The following PRKCZ variants were observed in gnomAD, a reference collection of about 807,000 sequenced individuals.
PRKCZ encodes the protein protein kinase C zeta type.
Under a neutral mutation model 79.5 loss-of-function variants are expected in PRKCZ, and 33 were observed. The observed-to-expected ratio is 0.41, with a 90% CI of 0.31 to 0.55. The LOEUF is 0.55. Ranked by LOEUF, PRKCZ falls within the 20% of genes least tolerant of loss-of-function variation. PRKCZ has a pLI of 0.19. For synonymous variants in PRKCZ, 342 were observed against 320.9 expected (o/e 1.07, Z -0.70); for missense variants, 578 against 813.5 (o/e 0.71, Z 3.52).
chr1:2,060,001 A>G (rs1295276619), intron 4 of PRKCZ, among the ~76,000 whole-genome samples: 1 of 152,156 alleles, frequency 6.6e-6, no homozygotes, highest in African/African-American at 2.4e-5. Context: ...CACTGGCTCC[A>G]TTGTTGGGAG....
chr1:2,176,010 A>G (rs1254058029), intron 16 of PRKCZ, among the ~76,000 whole-genome samples: 1 of 152,168 alleles, frequency 6.6e-6, no homozygotes, highest in Non-Finnish European at 1.5e-5. Flanking sequence ...CAGCAGTCGC[A>G]GCGTTCACGG....
chr1:2,109,145 A>G (rs920936667), intron 4 of PRKCZ, among the ~76,000 whole-genome samples: 5 of 152,142 alleles, frequency 3.3e-5, no homozygotes, highest in African/African-American at 1.2e-4. Context: ...AAAGTCCCGT[A>G]TGCCACGGAA....
rs959670803 is a variant in PRKCZ, at chr1:2,149,894, C to T, written c.688-896C>T. Among the ~76,000 whole-genome samples, 9 of 150,296 alleles carry T rather than the reference C, an allele frequency of 6.0e-5. No homozygotes were observed. The highest frequency in any genetic ancestry group is 1.7e-4 in the African/African-American group (7 of 40,732). ...CAGAATCCGGCTGGGCGCGGTGGCT[C>T]ACGCCTGTAATCCCAGCACTTTGGG... On this transcript the variant is annotated intron_variant, in intron 8 of 17. Transcript: ENST00000378567. This position sits in a 1 kb window ranked among gnomAD's most constrained non-coding sequence, Gnocchi z 4.1.
chr1:2,056,549 A>G lies in PRKCZ; in HGVS notation c.259A>G (p.Arg87Gly), dbSNP rs768028189. The G allele has an allele frequency of 3.5e-5, 57 of 1,613,832 alleles. No individual in the cohort carries two copies. The South Asian group carries it at 4.8e-4, about 14-fold the overall frequency. The part of the protein sequence containing the change: ...EEAFRLARQC[R>G]DEGLIIHVFP... Reference sequence around the variant, plus strand: ...GGCTTTCCGCCTGGCCCGTCAGTGCAGGGATGAAGGCCTCATCATTCATGG... The same window carrying G: ...GGCTTTCCGCCTGGCCCGTCAGTGCGGGGATGAAGGCCTCATCATTCATGG... The change falls in exon 3 of 18, where the codon AGG becomes GGG. Residue 87 changes from arginine to glycine, a missense_variant. Coordinates refer to ENST00000378567, the MANE Select transcript of PRKCZ (RefSeq NM_002744.6).
intron 4 of PRKCZ, among the ~76,000 whole-genome samples, chr1:2,096,721 G>A (rs1666589240): frequency 6.6e-6 from 1 of 152,116 alleles, no homozygotes; most frequent in African/African-American, 2.4e-5. Context: ...ATCAGGGTCT[G>A]GGTTGCTCGT....
In PRKCZ at chr1:2,172,995, G is replaced by A. The variant is rs533357025; in HGVS notation, c.1285+607G>A. Among the ~76,000 whole-genome samples the A allele has an allele frequency of 9.2e-5, 14 of 152,292 alleles. No individual in the cohort carries two copies. The highest frequency in any genetic ancestry group is 3.9e-4 in the East Asian group (2 of 5,174). On this transcript the variant is annotated intron_variant, in intron 13 of 17. Transcript: ENST00000378567. The surrounding 1 kb of genome is among the most constrained non-coding windows in gnomAD (Gnocchi z 7.8). ...GTGTGTGAAACGGGGACGTGGGCAC[G>A]CGTGTGCAGCCCTGTGTGCGTGTGT... is the stretch of plus-strand genomic sequence containing the variant.
intron 4 of PRKCZ, among the ~76,000 whole-genome samples, chr1:2,079,088 C>T (rs531380443): frequency 3.3e-5 from 5 of 152,316 alleles, no homozygotes; most frequent in East Asian, 1.9e-4. Context: ...GTGATCCGCC[C>T]GCCTCGGCCT....
At chr1:2,074,515 C>T (rs950383271) in intron 4 of PRKCZ, among the ~76,000 whole-genome samples, 6 of 152,134 alleles carry the variant, frequency 3.9e-5, no homozygotes, top group African/African-American at 7.2e-5. Context: ...GATGAGACCA[C>T]GGGTGAAGTC....
intron 4 of PRKCZ, among the ~76,000 whole-genome samples, chr1:2,132,742 A>AT (rs1675248372): frequency 1.3e-5 from 2 of 152,010 alleles, no homozygotes; most frequent in Admixed American, 1.3e-4. Flanking sequence ...ATCTTCTGTA[A>AT]TTCCTTCTAA....
chr1:2,082,858 G>T lies in PRKCZ; in HGVS notation c.334+23267G>T, dbSNP rs1571238405. On this transcript the variant is annotated intron_variant, in intron 4 of 17. Coordinates refer to ENST00000378567, the MANE Select transcript of PRKCZ (RefSeq NM_002744.6). The surrounding 1 kb of genome is among the most constrained non-coding windows in gnomAD (Gnocchi z 4.4). ...GGGCGGCCAAGGGCGTGAGGGAGAG[G>T]GTGGAGGGGTGGTGTGAGGGTGCAA... Among the ~76,000 whole-genome samples, 1 of 151,652 alleles carries T rather than the reference G, an allele frequency of 6.6e-6. No individual in the cohort carries two copies. The highest frequency in any genetic ancestry group is 1.5e-5 in the Non-Finnish European group (1 of 67,868).
intron 4 of PRKCZ, among the ~76,000 whole-genome samples, chr1:2,100,286 G>C (rs547443197): frequency 3.3e-4 from 51 of 152,368 alleles, no homozygotes; most frequent in African/African-American, 1.1e-3. Context: ...GTGACCATCT[G>C]TGGTAACCGA....
intron 4 of PRKCZ, among the ~76,000 whole-genome samples, chr1:2,130,027 C>T (rs536569828): frequency 2.6e-5 from 4 of 152,250 alleles, no homozygotes; most frequent in Non-Finnish European, 4.4e-5. Flanking sequence ...CTCAGCCTCC[C>T]GAGTAGCTGG....
intron 4 of PRKCZ, among the ~76,000 whole-genome samples, chr1:2,102,458 G>A (rs892480383): frequency 2.6e-5 from 4 of 151,714 alleles, no homozygotes; most frequent in Non-Finnish European, 4.4e-5. Flanking sequence ...TCAGCCTCCC[G>A]AGTAGCTGGG....
At chr1:2,129,437 G>A (rs938137689) in intron 4 of PRKCZ, among the ~76,000 whole-genome samples, 4 of 152,280 alleles carry the variant, frequency 2.6e-5, no homozygotes, top group African/African-American at 4.8e-5. Context: ...AGCAGGGCCC[G>A]AGAGGCAAGA....
At chr1:2,163,058 C>T (rs963997803) in intron 10 of PRKCZ, among the ~76,000 whole-genome samples, 16 of 152,194 alleles carry the variant, frequency 1.1e-4, no homozygotes, top group Non-Finnish European at 1.9e-4. Flanking sequence ...GCAACCAGGT[C>T]GTGCCGTCTC....
At chr1:2,076,295 G>T (rs1428488759) in intron 4 of PRKCZ, among the ~76,000 whole-genome samples, 1 of 152,198 alleles carries the variant, frequency 6.6e-6, no homozygotes, top group Non-Finnish European at 1.5e-5. Flanking sequence ...TCCCTCACAT[G>T]GCAGGGGGAA....
chr1:2,140,138 C>T (rs1011947077), intron 5 of PRKCZ, among the ~76,000 whole-genome samples: 2 of 152,222 alleles, frequency 1.3e-5, no homozygotes, highest in African/African-American at 4.8e-5. Flanking sequence ...GCAGTGCCCT[C>T]AGGTGGCTGG....
At chr1:2,179,072 AAG>A (rs1271899848) in intron 16 of PRKCZ, among the ~76,000 whole-genome samples, 1 of 152,054 alleles carries the variant, frequency 6.6e-6, no homozygotes, top group Non-Finnish European at 1.5e-5. Flanking sequence ...TGCCCTGGAG[AAG>A]AGAGGCAGTG....
At chr1:2,052,956 C>T (rs1659821860) in intron 1 of PRKCZ, among the ~76,000 whole-genome samples, 1 of 152,184 alleles carries the variant, frequency 6.6e-6, no homozygotes, top group African/African-American at 2.4e-5. Flanking sequence ...CCAATCCTCG[C>T]CACCCCACCC....
Sources: gnomAD v4.1 joint callset for allele counts (sites outside exome capture counted in the v4.1 genomes callset) on GRCh38, gnomAD v4.1.1 for gene constraint, Gnocchi (gnomAD v3.1) non-coding constraint, MANE v1.5 for transcripts, NCBI Gene and HGNC (gene_info 2026-07-23, HGNC 2026-07-21) for gene names.